The following NSD1 variants were observed in gnomAD, a reference collection of about 807,000 sequenced individuals.
The protein encoded by NSD1 is nuclear receptor binding SET domain protein 1.
A neutral mutation model predicts 242.7 loss-of-function variants in NSD1; 26 were observed. The ratio of observed to expected loss-of-function variants is 0.11; its 90% CI spans 0.08 to 0.15. NSD1 has a LOEUF of 0.15. NSD1 is among the 10% of genes least tolerant of loss of function. The pLI is 1.00. For missense variants in NSD1, 2,495 were observed against 3,272.8 expected, an observed-to-expected ratio of 0.76 and a Z score of 5.80; for synonymous variants, 1,106 against 1,178.1, an observed-to-expected ratio of 0.94 and a Z score of 1.25.
intron 5 of NSD1, among the ~76,000 whole-genome samples, chr5:177,216,085 A>G (rs556373746): frequency 6.6e-6 from 1 of 152,308 alleles, no homozygotes; most frequent in East Asian, 1.9e-4. Context: ...CTGGTCTTCA[A>G]CTACTGGGCT....
chr5:177,181,093 C>T (rs1760631355), intron 2 of NSD1, among the ~76,000 whole-genome samples: 1 of 150,066 alleles, frequency 6.7e-6, no homozygotes, highest in Admixed American at 6.7e-5. Context: ...GGCTGGAGTG[C>T]AGTGGTGTGA....
At chr5:177,223,782 A>G (rs1012193109) in intron 5 of NSD1, among the ~76,000 whole-genome samples, 4 of 152,080 alleles carry the variant, frequency 2.6e-5, no homozygotes, top group East Asian at 3.9e-4. Flanking sequence ...CAGGAGTTCT[A>G]GACCATCGTG....
At chr5:177,181,427 GT>G (rs34848476) in intron 2 of NSD1, among the ~76,000 whole-genome samples, 95 of 117,318 alleles carry the variant, frequency 8.1e-4, no homozygotes, top group Non-Finnish European at 1.2e-3. Flanking sequence ...TTTTTTTTTG[GT>G]TTTTTTTTTT....
chr5:177,138,839 A>G (rs1756568664), intron 2 of NSD1, among the ~76,000 whole-genome samples: 2 of 149,488 alleles, frequency 1.3e-5, no homozygotes, highest in South Asian at 4.2e-4. Context: ...GGGTTTTACC[A>G]TGTTGGCCCA....
Position 177,209,630 on chromosome 5 carries a change from T to A in NSD1, c.1237-6T>A. The A allele has an allele frequency of 6.2e-7, 1 of 1,610,696 alleles. No homozygotes were observed. Among genetic ancestry groups the A allele is most frequent in the Non-Finnish European group, 8.5e-7 (1 of 1,177,028 alleles). ...GTGATAATTCTTTTTCTCCTTTAAA[T>A]TTAAGGTTCCTCAGAAAATTTTGAG... On this transcript the variant is annotated splice_polypyrimidine_tract_variant and splice_region_variant and intron_variant, in intron 4 of 22. Transcript: ENST00000439151.
In NSD1 at chr5:177,211,110, A is replaced by G. The variant is rs398124375; in HGVS notation, c.2711A>G (p.Asp904Gly). The G allele has an allele frequency of 6.2e-7, 1 of 1,614,102 alleles. No homozygotes were observed. Among genetic ancestry groups the G allele is most frequent in the African/African-American group, 1.3e-5 (1 of 74,940 alleles). Residue 904 changes from aspartate to glycine, a missense_variant, in exon 5 of 23, where the codon GAC becomes GGC. Around this residue, in one of 19 missense-constraint regions of NSD1, gnomAD observed 121 missense variants for 167.2 expected, o/e 0.72. Coordinates refer to ENST00000439151, the MANE Select transcript of NSD1 (RefSeq NM_022455.5). The part of the protein sequence containing the change: ...SSQNHIPIEP[D>G]YKFSTLLMML... Reference sequence around the variant, plus strand: ...CAGAATCACATACCTATTGAACCAGACTACAAATTCAGTACATTGCTAATG... The same window carrying G: ...CAGAATCACATACCTATTGAACCAGGCTACAAATTCAGTACATTGCTAATG...
At chr5:177,153,422 C>T (rs573342655) in intron 2 of NSD1, among the ~76,000 whole-genome samples, 3 of 151,900 alleles carry the variant, frequency 2.0e-5, no homozygotes, top group Non-Finnish European at 4.4e-5. Context: ...AATGCTACTA[C>T]AAGATTGCTT....
chr5:177,133,562 G>A (rs893609462), upstream of NSD1: 1 of 150,658 alleles, frequency 6.6e-6, no homozygotes, highest in Non-Finnish European at 1.5e-5. The surrounding 1 kb of genome is among the most constrained non-coding windows in gnomAD (Gnocchi z 6.2). Flanking sequence ...GAGGGGAGGG[G>A]GCGGCAGCGG....
rs1562316171 is a variant in NSD1, at chr5:177,297,716, G to A, written c.*2257G>A. 4.3e-6 allele frequency: 1 copy of A among 232,590 alleles called. No individual in the cohort carries two copies. Among genetic ancestry groups the A allele is most frequent in the East Asian group, 6.1e-5 (1 of 16,520 alleles). The allele number at this position is 232,590 out of a possible 1,614,324, so 14.4% of individuals were successfully genotyped here. A position where few individuals can be genotyped will look rare whatever the true frequency, so the allele number is the denominator to read the frequency against. ...GTAAAAATTTTCCGTGGAGAAGTTT[G>A]ATTCTAAAGTAGCTTCTCTAAAGTA... On this transcript the variant is annotated 3_prime_UTR_variant, in exon 23 of 23. Coordinates refer to ENST00000439151, the MANE Select transcript of NSD1 (RefSeq NM_022455.5).
At chr5:177,185,932 A>G (rs1346327274) in intron 2 of NSD1, among the ~76,000 whole-genome samples, 28 of 86,238 alleles carry the variant, frequency 3.2e-4, no homozygotes, top group Non-Finnish European at 4.6e-4. Context: ...ATATATATAA[A>G]TAAATATATA....
chr5:177,174,138 G>A (rs1437281500), intron 2 of NSD1, among the ~76,000 whole-genome samples: 2 of 151,958 alleles, frequency 1.3e-5, no homozygotes, highest in African/African-American at 4.8e-5. Context: ...AGTCCGAGGC[G>A]GGTGGATCAC....
chr5:177,216,413 C>G (rs1392340199), intron 5 of NSD1, among the ~76,000 whole-genome samples: 1 of 151,898 alleles, frequency 6.6e-6, no homozygotes, highest in Admixed American at 6.6e-5. Flanking sequence ...CTTGTTCCTT[C>G]CAATATCATG....
intron 7 of NSD1, among the ~76,000 whole-genome samples, chr5:177,239,487 G>A (rs1180953068): frequency 2.6e-5 from 4 of 152,252 alleles, no homozygotes; most frequent in East Asian, 1.9e-4. Context: ...AGGCAGTTCC[G>A]TCCTTCTGAC....
rs760029045 is a variant in NSD1 at position 177,135,312 on chromosome 5, T to G, written c.209T>G (p.Ile70Ser). ...AYGQDSPSCY[I>S]PLRRLQDLAS... ...GGACAAGATTCTCCATCTTGTTACA[T>G]TCCACTGCGGAGACTACAGGATTTG... The change falls in exon 2 of 23, where the codon ATT becomes AGT. Residue 70 changes from isoleucine to serine, a missense_variant. Ile to Ser is a moderately radical substitution (Grantham distance 142). This residue lies in a region of NSD1 where 376 missense variants were observed against 367.4 expected (regional missense o/e 1.02). Coordinates refer to ENST00000439151, the MANE Select transcript of NSD1 (RefSeq NM_022455.5). 2.5e-6 allele frequency: 4 copies of G among 1,613,474 alleles called. No homozygotes were observed. In the Admixed American group the frequency reaches 5.0e-5, roughly 20 times the overall value.
intron 9 of NSD1, among the ~76,000 whole-genome samples, chr5:177,245,571 TC>T (rs1766212252): frequency 6.6e-6 from 1 of 152,154 alleles, no homozygotes; most frequent in Non-Finnish European, 1.5e-5. Flanking sequence ...TCTTTATGTT[TC>T]TATAACACAG....
chr5:177,207,532 T>C (rs960167787), intron 4 of NSD1, among the ~76,000 whole-genome samples: 1 of 148,112 alleles, frequency 6.8e-6, no homozygotes, highest in Non-Finnish European at 1.5e-5. Flanking sequence ...TCTGCCCACC[T>C]CAGCCTCCCA....
In NSD1 at chr5:177,294,686, A is replaced by C. The variant is rs752302305; in HGVS notation, c.7318A>C (p.Arg2440=). The change falls in exon 23 of 23, where the codon AGG becomes CGG. Residue 2440 remains arginine (R), a synonymous_variant. Transcript: ENST00000439151. ...CCTTGTAGCTAAAGAAAAAGCACTG[A>C]GGCCTGTGGACCAGAATACTCAGTC... ...QTLVAKEKAL[R]PVDQNTQSKN... is the part of the protein sequence containing the mutation. 2 of 1,614,240 alleles carry C rather than the reference A, an allele frequency of 1.2e-6. No individual in the cohort carries two copies. The highest frequency in any genetic ancestry group is 1.1e-5 in the South Asian group (1 of 91,090).
chr5:177,236,937 A>G (rs1765494360), intron 6 of NSD1, among the ~76,000 whole-genome samples: 1 of 152,188 alleles, frequency 6.6e-6, no homozygotes, highest in Non-Finnish European at 1.5e-5. Context: ...CCTGGGTTTA[A>G]GCAATGTTTC....
chr5:177,248,986 A>G (rs1286141174), intron 11 of NSD1, among the ~76,000 whole-genome samples: 2 of 152,086 alleles, frequency 1.3e-5, no homozygotes, highest in African/African-American at 4.8e-5. Context: ...CGTTTTTCTA[A>G]CCTTTAAGCT....
Sources: allele counts gnomAD v4.1 joint callset (sites outside exome capture counted in the v4.1 genomes callset), GRCh38; gene constraint gnomAD v4.1.1; regional missense constraint gnomAD v4.1.1; non-coding constraint Gnocchi (gnomAD v3.1); transcripts MANE v1.5; gene names NCBI Gene and HGNC (gene_info 2026-07-23, HGNC 2026-07-21).